MYEF2: variants seen among roughly 807,000 people sequenced by gnomAD.
The protein encoded by MYEF2 is myelin expression factor 2, also known as myelin gene expression factor 2.
In MYEF2, 37 loss-of-function variants were observed where a neutral mutation model predicts 75.2. That is an observed-to-expected ratio of 0.49 (90% CI 0.38 to 0.65). MYEF2 has a LOEUF of 0.65. Among genes scored for constraint, MYEF2 ranks in the 30% least tolerant of loss-of-function variants. MYEF2 has a pLI of 0.00. For missense variants in MYEF2, 634 were observed against 771.4 expected, an observed-to-expected ratio of 0.82 and a Z score of 2.11; for synonymous variants, 195 against 241.6, an observed-to-expected ratio of 0.81 and a Z score of 1.79.
intron 9 of MYEF2, 193 bp from the exon 10 acceptor site, chr15:48,154,086 T>C: frequency 2.0e-6 from 1 of 492,718 alleles, no homozygotes; most frequent in African/African-American, 1.9e-5. Context: ...CATTTATTAA[T>C]GAGAAGTGTT....
chr15:48,176,687 T>C (rs1385482551), intron 1 of MYEF2, among the ~76,000 whole-genome samples: 1 of 152,218 alleles, frequency 6.6e-6, no homozygotes, highest in Non-Finnish European at 1.5e-5. Flanking sequence ...TGTTTAGATA[T>C]GAATAGCACA....
Position 48,141,302 on chromosome 15 carries a change from G to A in MYEF2, c.*1606C>T. 2 of 1,116,912 alleles carry A rather than the reference G, an allele frequency of 1.8e-6. No homozygotes were observed. Among genetic ancestry groups the A allele is most frequent in the Non-Finnish European group, 2.6e-6 (2 of 760,900 alleles). The allele number at this position is 1,116,912 out of a possible 1,614,324, so 69.2% of individuals were successfully genotyped here. A position where few individuals can be genotyped will look rare whatever the true frequency, so the allele number is the denominator to read the frequency against. ...CTTTAAAAATGTTTACTTCCAGCCG[G>A]GTGTGGTGGCTCGCGCCTGTAATCC... is the stretch of plus-strand genomic sequence containing the variant. On this transcript the variant is annotated 3_prime_UTR_variant, in exon 17 of 17. Transcript: ENST00000324324.
chr15:48,163,327 C>G (rs563598093), intron 5 of MYEF2, among the ~76,000 whole-genome samples: 14 of 152,180 alleles, frequency 9.2e-5, no homozygotes, highest in Non-Finnish European at 5.9e-5. Flanking sequence ...AAAGCACCCT[C>G]ATCATTCCCT....
chr15:48,163,750 T>A (rs908516281), intron 5 of MYEF2, among the ~76,000 whole-genome samples: 2 of 152,156 alleles, frequency 1.3e-5, no homozygotes, highest in African/African-American at 4.8e-5. Context: ...TCATTTACCA[T>A]TCTGAAAATC....
At position 48,137,454 on chromosome 15, in the gene MYEF2, A is replaced by C. The variant is rs1389069010; in HGVS notation, c.*5454T>G. 6.6e-6 allele frequency: 1 copy of C among 152,318 alleles called. No individual in the cohort carries two copies. Among genetic ancestry groups the C allele is most frequent in the African/African-American group, 2.4e-5 (1 of 41,450 alleles). The allele number at this position is 152,318 out of a possible 1,614,324, so 9.4% of individuals were successfully genotyped here. A position where few individuals can be genotyped will look rare whatever the true frequency, so the allele number is the denominator to read the frequency against. ...TAGGATAAGAAGAATCTTAAATGCT[A>C]TTTTAAGAATCTTGGAAGGTTTCTG... On this transcript the variant is annotated 3_prime_UTR_variant, in exon 17 of 17. Transcript: ENST00000324324.
intron 9 of MYEF2, chr15:48,157,295 C>T (rs564626793): frequency 4.6e-5 from 7 of 152,020 alleles, no homozygotes; most frequent in Non-Finnish European, 8.8e-5. Flanking sequence ...CACTGAGACA[C>T]ATAATACAAT....
intron 9 of MYEF2, 126 bp downstream of exon 9, chr15:48,157,867 A>G (rs1049593180): frequency 2.3e-5 from 34 of 1,470,902 alleles, no homozygotes; most frequent in Non-Finnish European, 2.9e-5. Context: ...AACTATCTTC[A>G]TAACTCCAAA....
chr15:48,146,602 T>G (rs2039292319), intron 16 of MYEF2, among the ~76,000 whole-genome samples: 1 of 151,966 alleles, frequency 6.6e-6, no homozygotes. Context: ...CAGAGGGGGT[T>G]GCCAGTGGCA....
intron 1 of MYEF2, among the ~76,000 whole-genome samples, chr15:48,170,817 G>A (rs1041910046): frequency 2.0e-5 from 3 of 152,248 alleles, no homozygotes; most frequent in East Asian, 1.9e-4. Context: ...CACCTCGCAC[G>A]GTGACTGCAT....
At chr15:48,157,419 A>AC (rs2039742117) in intron 9 of MYEF2, 1 of 152,270 alleles carries the variant, frequency 6.6e-6, no homozygotes, top group South Asian at 2.1e-4. Flanking sequence ...AAAACATTAC[A>AC]AAGATTTGTG....
At chr15:48,154,946 A>T (rs770462227) in intron 9 of MYEF2, among the ~76,000 whole-genome samples, 1 of 152,162 alleles carries the variant, frequency 6.6e-6, no homozygotes, top group Non-Finnish European at 1.5e-5. Flanking sequence ...CTACTATTAC[A>T]TAAAAGAATA....
intron 5 of MYEF2, among the ~76,000 whole-genome samples, chr15:48,165,307 A>T (rs1183429470): frequency 5.9e-5 from 9 of 152,178 alleles, no homozygotes; most frequent in Admixed American, 6.5e-5. Flanking sequence ...GATGAGTGCT[A>T]TTCAAGCCAA....
At chr15:48,150,369 G>T (rs1597301424) in intron 14 of MYEF2, among the ~76,000 whole-genome samples, 1 of 152,090 alleles carries the variant, frequency 6.6e-6, no homozygotes, top group Non-Finnish European at 1.5e-5. Context: ...CAGGATTTTA[G>T]AATTTACTTT....
chr15:48,153,739 A>C, intron 10 of MYEF2, 53 bp downstream of exon 10: 1 of 1,421,334 alleles, frequency 7.0e-7, no homozygotes, highest in African/African-American at 1.4e-5. Flanking sequence ...TGGAGGCTTT[A>C]TTAGCTAGCA....
At chr15:48,153,269 A>G (rs1303305697) in intron 10 of MYEF2, 2 of 152,012 alleles carry the variant, frequency 1.3e-5, no homozygotes, top group Non-Finnish European at 1.5e-5. Context: ...TTCATTTATA[A>G]TACAGTAAAT....
rs1050149812 is a variant in MYEF2, at chr15:48,178,028, G to A, written c.161+49C>T. The A allele has an allele frequency of 9.0e-6, 14 of 1,551,964 alleles. No homozygotes were observed. In the African/African-American group the frequency reaches 1.3e-4, roughly 14 times the overall value. On this transcript the variant is annotated intron_variant, in intron 1 of 16. Transcript: ENST00000324324. The stretch of plus-strand genomic sequence containing the variant: ...CAGCCCGGCCTCTAGCCGCCCGGTA[G>A]ACTCCCCGCCCCCCACCTCGCCCCG...
intron 16 of MYEF2, among the ~76,000 whole-genome samples, chr15:48,146,648 A>G (rs1052011932): frequency 3.9e-5 from 6 of 152,010 alleles, no homozygotes; most frequent in African/African-American, 1.2e-4. Context: ...GGGAGATGCA[A>G]GGAGTACTAC....
rs563981031 is a variant in MYEF2 at position 48,138,122 on chromosome 15, T to C, written c.*4786A>G. On this transcript the variant is annotated 3_prime_UTR_variant, in exon 17 of 17. Coordinates refer to ENST00000324324, the MANE Select transcript of MYEF2 (RefSeq NM_016132.5). The stretch of plus-strand genomic sequence containing the variant: ...ACGCAAAAGAACCAATCCAAATTCT[T>C]TGATTATGTTAAAATTATATCTAAT... 1.3e-5 allele frequency: 2 copies of C among 152,202 alleles called. No individual in the cohort carries two copies. The highest frequency in any genetic ancestry group is 4.1e-4 in the South Asian group (2 of 4,826). The allele number at this position is 152,202 out of a possible 1,614,324, so 9.4% of individuals were successfully genotyped here.
chr15:48,162,395 G>A (rs911595836), intron 5 of MYEF2, among the ~76,000 whole-genome samples: 1 of 152,122 alleles, frequency 6.6e-6, no homozygotes, highest in Admixed American at 6.6e-5. Flanking sequence ...TATGAGGTAG[G>A]TGCTATCATT....
Sources: allele counts gnomAD v4.1 joint callset (sites outside exome capture counted in the v4.1 genomes callset), GRCh38; gene constraint gnomAD v4.1.1; transcripts MANE v1.5; gene names NCBI Gene and HGNC (gene_info 2026-07-23, HGNC 2026-07-21).